Variants in CAMSAP3 observed in about 807,000 individuals in gnomAD.
CAMSAP3 encodes the protein calmodulin regulated spectrin associated protein family member 3, also known as calmodulin-regulated spectrin-associated protein 3.
Under a neutral mutation model 112.5 loss-of-function variants are expected in CAMSAP3, and 34 were observed. That is an observed-to-expected ratio of 0.30 (90% confidence interval 0.23 to 0.40). The LOEUF is 0.40. Among genes scored for constraint, CAMSAP3 ranks in the 10% least tolerant of loss-of-function variants. The pLI is 1.00. For missense variants in CAMSAP3, 1,602 were observed against 1,770.3 expected (o/e 0.90, Z 1.71); for synonymous variants, 868 against 799.8 (o/e 1.09, Z -1.44).
chr19:7,611,403 T>A lies in CAMSAP3; in HGVS notation c.1124-114T>A. The A allele has an allele frequency of 1.9e-6, 2 of 1,054,148 alleles. No individual in the cohort carries two copies. The highest frequency in any genetic ancestry group is 2.8e-6 in the Non-Finnish European group (2 of 727,208). 65.3% of individuals were successfully genotyped at this position (1,054,148 alleles called of 1,614,324 possible). ...AAACCTCTGGTCTCACTAGACCACA[T>A]AATGAGCCATCAGTGACTCACCCAA... On this transcript the variant is annotated intron_variant, in intron 9 of 16. Transcript: ENST00000160298. This position sits in a 1 kb window ranked among gnomAD's most constrained non-coding sequence, Gnocchi z 6.9.
Position 7,613,017 on chromosome 19 carries a change from G to A in CAMSAP3, c.2524G>A (p.Gly842Ser). The A allele has an allele frequency of 6.4e-7, 1 of 1,560,564 alleles. No homozygotes were observed. ...TPPEEPAARP[G>S]LIEIPLGSLA... ...CCCCGAGGAGCCAGCCGCCCGGCCG[G>A]GCCTCATCGAGATCCCGCTGGGCAG... Residue 842 changes from glycine (G) to serine (S), a missense_variant, in exon 11 of 17, where the codon GGC becomes AGC. By Grantham distance (56) the Gly-to-Ser change is moderately conservative (BLOSUM62 0). This residue lies in a region of CAMSAP3 where 1,100 missense variants were observed against 1,135.7 expected (regional missense o/e 0.97). Coordinates refer to ENST00000160298, the MANE Select transcript of CAMSAP3 (RefSeq NM_020902.2).
rs1208370631 is a variant in CAMSAP3, at chr19:7,611,771, C to T, written c.1278C>T (p.Leu426=). The change falls in exon 11 of 17, where the codon CTC becomes CTT. Residue 426 remains leucine (L), a synonymous_variant. Coordinates refer to ENST00000160298, the MANE Select transcript of CAMSAP3 (RefSeq NM_020902.2). This position sits in a 1 kb window ranked among gnomAD's most constrained non-coding sequence, Gnocchi z 6.9. ...ATGTCGTCATGGGAGACCCTGTGCT[C>T]CTCCGCTCTGTGAGCTCGGACAGCC... ...DVDVVMGDPV[L]LRSVSSDSLG... The T allele has an allele frequency of 5.6e-6, 9 of 1,595,522 alleles. No homozygotes were observed. The highest frequency in any genetic ancestry group is 7.7e-6 in the Non-Finnish European group (9 of 1,171,366).
Position 7,615,264 on chromosome 19 carries a change from C to G in CAMSAP3, c.2752C>G (p.Arg918Gly), listed in dbSNP as rs1009943636. The G allele has an allele frequency of 6.5e-7, 1 of 1,549,854 alleles. No homozygotes were observed. The highest frequency in any genetic ancestry group is 1.2e-5 in the South Asian group (1 of 84,032). Residue 918 changes from arginine (R) to glycine (G), a missense_variant, in exon 12 of 17, where the codon CGG becomes GGG. Physicochemically the swap from Arg to Gly is moderately radical, Grantham distance 125. Coordinates refer to ENST00000160298, the MANE Select transcript of CAMSAP3 (RefSeq NM_020902.2). This position sits in a 1 kb window ranked among gnomAD's most constrained non-coding sequence, Gnocchi z 6.5. ...ERQQRRAEEA[R>G]RRKQWQEVEK... ...GCAGCAGCGGCGAGCAGAGGAGGCG[C>G]GGCGGCGCAAGCAGTGGCAGGAGGT...
At chr19:7,596,641 C>A (rs992990144) in intron 1 of CAMSAP3, among the ~76,000 whole-genome samples, 2 of 152,120 alleles carry the variant, frequency 1.3e-5, no homozygotes, top group African/African-American at 4.8e-5. Context: ...CGGTCTCCAC[C>A]ACCGCACGAC....
chr19:7,617,145 G>A lies in CAMSAP3; in HGVS notation c.3213-181G>A, dbSNP rs1051123870. ...TTGGCCAGGCTGGCCTCGAACTCCC[G>A]ACCTCAAGTGATCTGCCCGCTTTGG... On this transcript the variant is annotated intron_variant, in intron 14 of 16. Coordinates refer to ENST00000160298, the MANE Select transcript of CAMSAP3 (RefSeq NM_020902.2). This position sits in a 1 kb window ranked among gnomAD's most constrained non-coding sequence, Gnocchi z 7.5. 6.6e-6 allele frequency among the ~76,000 whole-genome samples: 1 copy of A among 151,848 alleles called. No individual in the cohort carries two copies. Among genetic ancestry groups the A allele is most frequent in the Admixed American group, 6.6e-5 (1 of 15,238 alleles).
Position 7,607,879 on chromosome 19 carries a change from C to G in CAMSAP3, c.622-247C>G. 1 of 1,126,182 alleles carries G rather than the reference C, an allele frequency of 8.9e-7. No homozygotes were observed. Among genetic ancestry groups the G allele is most frequent in the Non-Finnish European group, 1.3e-6 (1 of 774,172 alleles). 69.8% of individuals were successfully genotyped at this position (1,126,182 alleles called of 1,614,324 possible). A position where few individuals can be genotyped will look rare whatever the true frequency, so the allele number is the denominator to read the frequency against. ...AGCAAACCCCCCATGGTAATGTATC[C>G]CCCGCCCCGGGGTCCCAGGAGTCCC... On this transcript the variant is annotated intron_variant, in intron 4 of 16. Coordinates refer to ENST00000160298, the MANE Select transcript of CAMSAP3 (RefSeq NM_020902.2). The surrounding 1 kb of genome is among the most constrained non-coding windows in gnomAD (Gnocchi z 4.9).
intron 1 of CAMSAP3, among the ~76,000 whole-genome samples, chr19:7,602,201 A>C (rs1266606048): frequency 6.6e-6 from 1 of 152,222 alleles, no homozygotes; most frequent in African/African-American, 2.4e-5. Flanking sequence ...GGAATGTACT[A>C]CTGACGTCTA....
intron 1 of CAMSAP3, among the ~76,000 whole-genome samples, chr19:7,599,476 A>G (rs1210074854): frequency 6.7e-5 from 1 of 14,914 alleles, no homozygotes; most frequent in Non-Finnish European, 1.2e-4. Context: ...CACCCACCCC[A>G]CTCATCCATC....
chr19:7,607,823 C>G lies in CAMSAP3; in HGVS notation c.622-303C>G, dbSNP rs368094381. ...GATGGCTGCTCCTCTCCCCCCAGCACGCAATTGCCTTCTGTTTGAAGGAGT... is the reference window on the plus strand; with the variant it reads ...GATGGCTGCTCCTCTCCCCCCAGCAGGCAATTGCCTTCTGTTTGAAGGAGT... On this transcript the variant is annotated intron_variant, in intron 4 of 16. Transcript: ENST00000160298. This position sits in a 1 kb window ranked among gnomAD's most constrained non-coding sequence, Gnocchi z 4.9. The G allele has an allele frequency of 7.4e-7, 1 of 1,355,264 alleles. No individual in the cohort carries two copies. The highest frequency in any genetic ancestry group is 1.0e-6 in the Non-Finnish European group (1 of 1,002,952). The allele number at this position is 1,355,264 out of a possible 1,614,324, so 84.0% of individuals were successfully genotyped here.
chr19:7,615,014 C>T lies in CAMSAP3; in HGVS notation c.2671-169C>T. On this transcript the variant is annotated intron_variant, in intron 11 of 16. Transcript: ENST00000160298. This position sits in a 1 kb window ranked among gnomAD's most constrained non-coding sequence, Gnocchi z 6.5. ...AGTGTATCCCATCCCTGTTGTGTCC[C>T]AGTACTTAGTGTGGGGCTGTGCATA... 1 of 750,558 alleles carries T rather than the reference C, an allele frequency of 1.3e-6. No homozygotes were observed. Among genetic ancestry groups the T allele is most frequent in the Non-Finnish European group, 2.3e-6 (1 of 443,122 alleles). 46.5% of individuals were successfully genotyped at this position (750,558 alleles called of 1,614,324 possible).
At chr19:7,602,862 G>T (rs1203114894) in intron 1 of CAMSAP3, among the ~76,000 whole-genome samples, 1 of 151,632 alleles carries the variant, frequency 6.6e-6, no homozygotes, top group African/African-American at 2.4e-5. Context: ...TGCTTTGGAG[G>T]TCCCTGCTGG....
chr19:7,610,436 T>C lies in CAMSAP3; in HGVS notation c.761-40T>C. Reference sequence around the variant, plus strand: ...TGGCTTCCCTGGGGCCCCATCCTCCTCCTCATAGAGTTGGGGACCCACTCC... The same window carrying C: ...TGGCTTCCCTGGGGCCCCATCCTCCCCCTCATAGAGTTGGGGACCCACTCC... On this transcript the variant is annotated intron_variant, in intron 5 of 16. Coordinates refer to ENST00000160298, the MANE Select transcript of CAMSAP3 (RefSeq NM_020902.2). This position sits in a 1 kb window ranked among gnomAD's most constrained non-coding sequence, Gnocchi z 4.9. 1 of 1,571,470 alleles carries C rather than the reference T, an allele frequency of 6.4e-7. No homozygotes were observed.
In CAMSAP3 at chr19:7,608,222, G is replaced by A. The variant is rs373912442; in HGVS notation, c.718G>A (p.Ala240Thr). 67 of 1,612,492 alleles carry A rather than the reference G, an allele frequency of 4.2e-5. No homozygotes were observed. Among genetic ancestry groups the A allele is most frequent in the Non-Finnish European group, 3.2e-5 (38 of 1,179,874 alleles). The change falls in exon 5 of 17, where the codon GCC becomes ACC. Residue 240 changes from alanine (A) to threonine (T), a missense_variant. Physicochemically the swap from Ala to Thr is moderately conservative, Grantham distance 58. Coordinates refer to ENST00000160298, the MANE Select transcript of CAMSAP3 (RefSeq NM_020902.2). ...QDLASGAALA[A>T]TIHCYCPQLL... ...CCTGGCCAGTGGGGCCGCGCTGGCC[G>A]CCACCATCCACTGCTATTGTCCCCA...
chr19:7,617,612 G>A lies in CAMSAP3; in HGVS notation c.3395G>A (p.Cys1132Tyr). The change falls in exon 16 of 17, where the codon TGC becomes TAC. Residue 1132 changes from cysteine to tyrosine, a missense_variant. Physicochemically the swap from Cys to Tyr is radical, Grantham distance 194. Transcript: ENST00000160298. The surrounding 1 kb of genome is among the most constrained non-coding windows in gnomAD (Gnocchi z 7.5). The part of the protein sequence containing the change: ...KFIIHNALSH[C>Y]CLAGKVNEPQ... ...ATCATCCACAATGCCCTATCACACTGCTGCCTGGCGGGCAAGGTGAACGAA... is the reference window on the plus strand; with the variant it reads ...ATCATCCACAATGCCCTATCACACTACTGCCTGGCGGGCAAGGTGAACGAA... 2 of 1,614,202 alleles carry A rather than the reference G, an allele frequency of 1.2e-6. No individual in the cohort carries two copies. The highest frequency in any genetic ancestry group is 1.7e-6 in the Non-Finnish European group (2 of 1,180,048).
In CAMSAP3 at chr19:7,615,771, T is replaced by C; in HGVS notation, c.3112+52T>C. The stretch of plus-strand genomic sequence containing the variant: ...GCCCAGTGCCCTTTCCGGGGCTCAC[T>C]GGGTGAGGCCCCCATGGGTAAGGGG... On this transcript the variant is annotated intron_variant, in intron 13 of 16. Coordinates refer to ENST00000160298, the MANE Select transcript of CAMSAP3 (RefSeq NM_020902.2). The surrounding 1 kb of genome is among the most constrained non-coding windows in gnomAD (Gnocchi z 6.5). 6.1e-6 allele frequency: 5 copies of C among 817,496 alleles called. No individual in the cohort carries two copies. The highest frequency in any genetic ancestry group is 6.9e-6 in the Non-Finnish European group (5 of 721,118). The allele number at this position is 817,496 out of a possible 1,614,324, so 50.6% of individuals were successfully genotyped here. A position where few individuals can be genotyped will look rare whatever the true frequency, so the allele number is the denominator to read the frequency against.
At chr19:7,601,883 G>A (rs546232105) in intron 1 of CAMSAP3, among the ~76,000 whole-genome samples, 1 of 151,570 alleles carries the variant, frequency 6.6e-6, no homozygotes, top group Non-Finnish European at 1.5e-5. Context: ...GGTCAACGTG[G>A]TGAAACCCCA....
intron 11 of CAMSAP3, among the ~76,000 whole-genome samples, chr19:7,614,259 CAAAAAAAAAA>C (rs1173068955): frequency 1.1e-4 from 2 of 18,772 alleles, no homozygotes; most frequent in African/African-American, 5.2e-4. Context: ...GACTCCATCT[CAAAAAAAAAA>C]AAAAAAAAAA....
Position 7,607,961 on chromosome 19 carries a change from C to A in CAMSAP3, c.622-165C>A. The A allele has an allele frequency of 1.1e-6, 1 of 879,812 alleles. No individual in the cohort carries two copies. Among genetic ancestry groups the A allele is most frequent in the Non-Finnish European group, 1.8e-6 (1 of 544,940 alleles). The allele number at this position is 879,812 out of a possible 1,614,324, so 54.5% of individuals were successfully genotyped here. A position where few individuals can be genotyped will look rare whatever the true frequency, so the allele number is the denominator to read the frequency against. On this transcript the variant is annotated intron_variant, in intron 4 of 16. Transcript: ENST00000160298. This position sits in a 1 kb window ranked among gnomAD's most constrained non-coding sequence, Gnocchi z 4.9. Reference sequence around the variant, plus strand: ...TCGAAGACATCTCCTCTGCCTCTTGCTGCTGCCCCTCCCCTGCTCCAGGCT... The same window carrying A: ...TCGAAGACATCTCCTCTGCCTCTTGATGCTGCCCCTCCCCTGCTCCAGGCT...
intron 1 of CAMSAP3, among the ~76,000 whole-genome samples, chr19:7,601,448 A>T (rs1568439325): frequency 6.6e-6 from 1 of 152,100 alleles, no homozygotes; most frequent in Non-Finnish European, 1.5e-5. Flanking sequence ...CCTCCTGAGT[A>T]GCTGGGATTA....
Sources: gnomAD v4.1 joint callset for allele counts (sites outside exome capture counted in the v4.1 genomes callset) on GRCh38, gnomAD v4.1.1 for gene constraint, gnomAD v4.1.1 regional missense constraint, Gnocchi (gnomAD v3.1) non-coding constraint, MANE v1.5 for transcripts, NCBI Gene and HGNC (gene_info 2026-07-23, HGNC 2026-07-21) for gene names.